ELOVL7: variants seen among roughly 807,000 people sequenced by gnomAD.
ELOVL7 encodes the protein very long chain fatty acid elongase 7.
A neutral mutation model predicts 35.7 loss-of-function variants in ELOVL7; 27 were observed. That is an observed-to-expected ratio of 0.76 (90% CI 0.56 to 1.04). The LOEUF is 1.04. ELOVL7 is among the 50% of genes least tolerant of loss of function. The probability of loss-of-function intolerance (pLI) is 0.00; values close to 1 mark genes in which losing one functional copy is unlikely to be tolerated. For missense variants in ELOVL7, 327 were observed against 340.8 expected (o/e 0.96, Z 0.32); for synonymous variants, 113 against 114.6 (o/e 0.99, Z 0.09).
At chr5:60,809,342 GA>G (rs747117921) in intron 1 of ELOVL7, among the ~76,000 whole-genome samples, 10 of 152,156 alleles carry the variant, frequency 6.6e-5, no homozygotes, top group Non-Finnish European at 1.2e-4. Context: ...TTGGGTGGCA[GA>G]AATCAAACCC....
intron 2 of ELOVL7, among the ~76,000 whole-genome samples, chr5:60,788,917 G>T (rs1258178854): frequency 6.6e-6 from 1 of 152,010 alleles, no homozygotes; most frequent in Non-Finnish European, 1.5e-5. Flanking sequence ...TATGATAAAG[G>T]TGGCATCTCC....
At chr5:60,813,673 G>T (rs182646831) in intron 1 of ELOVL7, among the ~76,000 whole-genome samples, 7 of 151,822 alleles carry the variant, frequency 4.6e-5, no homozygotes, top group African/African-American at 1.7e-4. Flanking sequence ...ACAGAAACAG[G>T]GATTGTTACT....
chr5:60,813,169 G>A (rs1023405971), intron 1 of ELOVL7, among the ~76,000 whole-genome samples: 15 of 152,108 alleles, frequency 9.9e-5, no homozygotes, highest in African/African-American at 2.7e-4. Context: ...CTTCACAGGC[G>A]TTAATGGCTT....
intron 2 of ELOVL7, among the ~76,000 whole-genome samples, chr5:60,792,162 C>G (rs913725739): frequency 3.3e-5 from 5 of 152,212 alleles, no homozygotes; most frequent in African/African-American, 1.2e-4. Context: ...TGAAGGACTA[C>G]AGAGTTATGA....
rs1741348206 is a variant in ELOVL7, at chr5:60,752,971, T to C, written c.*1653A>G. ...AAAAAAAAATAATAAATTATATATA[T>C]ATATGTAATTACTCCCATTTATCAA... On this transcript the variant is annotated 3_prime_UTR_variant, in exon 9 of 9. Coordinates refer to ENST00000508821, the MANE Select transcript of ELOVL7 (RefSeq NM_024930.3). 6.6e-6 allele frequency: 1 copy of C among 151,840 alleles called. No homozygotes were observed. The highest frequency in any genetic ancestry group is 2.1e-4 in the South Asian group (1 of 4,836). 9.4% of individuals were successfully genotyped at this position (151,840 alleles called of 1,614,324 possible).
intron 1 of ELOVL7, among the ~76,000 whole-genome samples, chr5:60,828,282 G>C (rs1746290899): frequency 6.6e-6 from 1 of 151,834 alleles, no homozygotes; most frequent in Non-Finnish European, 1.5e-5. Flanking sequence ...ATCCTCATAT[G>C]GTAAAAATTA....
chr5:60,819,618 C>T (rs1745769528), intron 1 of ELOVL7, among the ~76,000 whole-genome samples: 1 of 152,162 alleles, frequency 6.6e-6, no homozygotes, highest in African/African-American at 2.4e-5. Flanking sequence ...CCCGTCCCTA[C>T]TAAATATACA....
At chr5:60,820,669 C>G (rs779572591) in intron 1 of ELOVL7, among the ~76,000 whole-genome samples, 69 of 152,160 alleles carry the variant, frequency 4.5e-4, no homozygotes, top group Non-Finnish European at 1.3e-4. Context: ...CCAACACCCT[C>G]CCCTTCTATT....
chr5:60,803,807 T>G (rs189424929), intron 1 of ELOVL7, among the ~76,000 whole-genome samples: 1 of 152,336 alleles, frequency 6.6e-6, no homozygotes, highest in Admixed American at 6.5e-5. Flanking sequence ...CAGGTCTGTC[T>G]TTCAATCAAG....
At chr5:60,813,795 T>C (rs1243280748) in intron 1 of ELOVL7, among the ~76,000 whole-genome samples, 1 of 152,090 alleles carries the variant, frequency 6.6e-6, no homozygotes, top group African/African-American at 2.4e-5. Flanking sequence ...ACTAAGAAGG[T>C]CCCTAAGGGC....
chr5:60,841,585 T>C (rs1009958523), intron 1 of ELOVL7, among the ~76,000 whole-genome samples: 1 of 152,204 alleles, frequency 6.6e-6, no homozygotes, highest in Admixed American at 6.5e-5. Context: ...CTTCACCTTA[T>C]ACAGGTTTTT....
intron 1 of ELOVL7, among the ~76,000 whole-genome samples, chr5:60,835,642 T>C (rs1746753953): frequency 6.6e-6 from 1 of 151,884 alleles, no homozygotes; most frequent in Non-Finnish European, 1.5e-5. Context: ...TCAACTCCTG[T>C]CCTCAAGTGA....
At chr5:60,785,570 C>G (rs1280133766) in intron 3 of ELOVL7, among the ~76,000 whole-genome samples, 2 of 152,258 alleles carry the variant, frequency 1.3e-5, no homozygotes, top group South Asian at 4.1e-4. Flanking sequence ...TACTTGGTTC[C>G]TAAGTTCAAA....
chr5:60,795,102 GT>G (rs1744168296), intron 2 of ELOVL7, among the ~76,000 whole-genome samples: 1 of 152,200 alleles, frequency 6.6e-6, no homozygotes, highest in Non-Finnish European at 1.5e-5. Flanking sequence ...CAAAAGCAGT[GT>G]GGAGAATAAA....
chr5:60,754,552 T>G lies in ELOVL7; in HGVS notation c.*72A>C. The G allele has an allele frequency of 7.4e-7, 1 of 1,357,200 alleles. No individual in the cohort carries two copies. The highest frequency in any genetic ancestry group is 1.0e-6 in the Non-Finnish European group (1 of 959,534). The allele number at this position is 1,357,200 out of a possible 1,614,324, so 84.1% of individuals were successfully genotyped here. ...GTTTTGAAAAATATACAAAATGCAC[T>G]GCATAGGTAAATATCTCTTGATTGT... On this transcript the variant is annotated 3_prime_UTR_variant, in exon 9 of 9. Coordinates refer to ENST00000508821, the MANE Select transcript of ELOVL7 (RefSeq NM_024930.3).
intron 1 of ELOVL7, among the ~76,000 whole-genome samples, chr5:60,836,490 C>T (rs1746805182): frequency 6.6e-6 from 1 of 152,030 alleles, no homozygotes; most frequent in Non-Finnish European, 1.5e-5. Flanking sequence ...CAACATTGTT[C>T]GTTGGCTGGT....
At chr5:60,805,257 A>T (rs1744857386) in intron 1 of ELOVL7, among the ~76,000 whole-genome samples, 1 of 152,224 alleles carries the variant, frequency 6.6e-6, no homozygotes, top group Admixed American at 6.5e-5. Context: ...GGTGACAATG[A>T]TACAGTAGGA....
chr5:60,768,511 T>C, intron 4 of ELOVL7: 1 of 300,146 alleles, frequency 3.3e-6, no homozygotes, highest in South Asian at 3.1e-5. Flanking sequence ...AAAATGCTCG[T>C]TAACAATAAA....
At chr5:60,778,812 A>G (rs1267963593) in intron 3 of ELOVL7, among the ~76,000 whole-genome samples, 2 of 152,194 alleles carry the variant, frequency 1.3e-5, no homozygotes, top group Non-Finnish European at 2.9e-5. Flanking sequence ...GCTTTAACTC[A>G]AAGTCCAAAT....
Sources: allele counts gnomAD v4.1 joint callset (sites outside exome capture counted in the v4.1 genomes callset), GRCh38; gene constraint gnomAD v4.1.1; transcripts MANE v1.5; gene names NCBI Gene and HGNC (gene_info 2026-07-23, HGNC 2026-07-21).